Variants in DLGAP2 observed in about 807,000 individuals in gnomAD.
The protein encoded by DLGAP2 is disks large-associated protein 2.
DLGAP2 carries 26 observed loss-of-function variants against 100.3 expected under a neutral mutation model. That is an observed-to-expected ratio of 0.26 (90% CI 0.19 to 0.36). The LOEUF (loss-of-function observed/expected upper bound fraction) is 0.36. Ranked by LOEUF, DLGAP2 falls within the 10% of genes least tolerant of loss-of-function variation. DLGAP2 has a pLI of 1.00. For missense variants in DLGAP2, 1,858 were observed against 1,453.2 expected (o/e 1.28, Z -4.53); for synonymous variants, 886 against 630.1 (o/e 1.41, Z -6.08).
At chr8:825,847 C>G (rs1028697712) in intron 1 of DLGAP2, among the ~76,000 whole-genome samples, 1 of 152,168 alleles carries the variant, frequency 6.6e-6, no homozygotes, top group Non-Finnish European at 1.5e-5. Flanking sequence ...GTGTTATACA[C>G]AATCAATTAT....
chr8:1,620,499 C>G (rs1291470318), intron 6 of DLGAP2: 1 of 152,332 alleles, frequency 6.6e-6, no homozygotes, highest in Non-Finnish European at 1.5e-5. Flanking sequence ...CTTTCACAGA[C>G]TTCTTGGAAG....
intron 13 of DLGAP2, among the ~76,000 whole-genome samples, chr8:1,695,206 C>T (rs903726650): frequency 1.7e-4 from 25 of 146,210 alleles, no homozygotes; most frequent in African/African-American, 5.9e-4. Context: ...CAGCCGTGCC[C>T]GGCCCTACAG....
At chr8:771,802 T>G (rs10108040) in intron 1 of DLGAP2, among the ~76,000 whole-genome samples, 1 of 152,264 alleles carries the variant, frequency 6.6e-6, no homozygotes, top group African/African-American at 2.4e-5. Flanking sequence ...AAAATTGAAG[T>G]GGCACATATA....
At chr8:1,316,352 G>T (rs1463578900) in intron 3 of DLGAP2, among the ~76,000 whole-genome samples, 2 of 139,560 alleles carry the variant, frequency 1.4e-5, no homozygotes, top group Non-Finnish European at 3.1e-5. Context: ...TGCGAGTGCA[G>T]CGTCTCTCCA....
chr8:755,265 C>T (rs1474581406), intron 1 of DLGAP2, among the ~76,000 whole-genome samples: 2 of 152,078 alleles, frequency 1.3e-5, no homozygotes, highest in Non-Finnish European at 2.9e-5. Flanking sequence ...TTGAGACAAG[C>T]TTGGGCAACG....
intron 1 of DLGAP2, among the ~76,000 whole-genome samples, chr8:822,698 C>G (rs1796606409): frequency 6.6e-6 from 1 of 152,190 alleles, no homozygotes; most frequent in South Asian, 2.1e-4. Flanking sequence ...TTTCAAAGAG[C>G]TTTCCTGTGG....
At chr8:989,554 T>C (rs1800594358) in intron 2 of DLGAP2, among the ~76,000 whole-genome samples, 2 of 152,066 alleles carry the variant, frequency 1.3e-5, no homozygotes, top group African/African-American at 4.8e-5. Flanking sequence ...TCATGTGTGA[T>C]TGTGACCCAG....
intron 4 of DLGAP2, among the ~76,000 whole-genome samples, chr8:1,528,800 C>T (rs534358228): frequency 1.2e-4 from 19 of 152,312 alleles, no homozygotes; most frequent in African/African-American, 4.3e-4. Context: ...AATGTCCTGC[C>T]ATCTTAAGGA....
At chr8:1,258,721 C>T in intron 2 of DLGAP2, 130 bp from the exon 3 acceptor site, 1 of 710,950 alleles carries the variant, frequency 1.4e-6, no homozygotes, top group Non-Finnish European at 1.9e-6. Context: ...ATGGAAGGGT[C>T]CACTGGCTCT....
intron 1 of DLGAP2, among the ~76,000 whole-genome samples, chr8:879,709 G>C (rs1239933604): frequency 6.6e-6 from 1 of 152,148 alleles, no homozygotes; most frequent in African/African-American, 2.4e-5. Context: ...AAATTCCATT[G>C]TTGAATTTTT....
chr8:1,281,621 T>G (rs1799815123), intron 3 of DLGAP2, among the ~76,000 whole-genome samples: 1 of 152,174 alleles, frequency 6.6e-6, no homozygotes, highest in Non-Finnish European at 1.5e-5. Flanking sequence ...TGGGGAGCTG[T>G]TATTAATAAA....
intron 2 of DLGAP2, among the ~76,000 whole-genome samples, chr8:989,083 T>A (rs1800573945): frequency 6.6e-6 from 1 of 152,170 alleles, no homozygotes; most frequent in African/African-American, 2.4e-5. Context: ...ACAGATCCCG[T>A]CTAGTCAGCC....
rs544118973 is a variant in DLGAP2 at position 1,702,800 on chromosome 8, G to A, written c.*1394G>A. 6.6e-6 allele frequency: 1 copy of A among 152,554 alleles called. No individual in the cohort carries two copies. The highest frequency in any genetic ancestry group is 2.1e-4 in the South Asian group (1 of 4,828). The allele number at this position is 152,554 out of a possible 1,614,324, so 9.5% of individuals were successfully genotyped here. ...GGAAAAGCCTGTCCGATTTTTCCAT[G>A]GGTTCCAGTTTCAGAGTTCTCATTA... On this transcript the variant is annotated 3_prime_UTR_variant, in exon 15 of 15. Transcript: ENST00000637795.
intron 1 of DLGAP2, among the ~76,000 whole-genome samples, chr8:834,344 CAT>C (rs1324851652): frequency 6.6e-6 from 1 of 152,156 alleles, no homozygotes; most frequent in Non-Finnish European, 1.5e-5. Context: ...ATGAGCCAGA[CAT>C]AAAGACAAGC....
intron 1 of DLGAP2, among the ~76,000 whole-genome samples, chr8:765,297 A>G (rs1329011566): frequency 1.3e-5 from 2 of 152,240 alleles, no homozygotes; most frequent in East Asian, 3.8e-4. Context: ...TAATGTATCA[A>G]TGTTAAATAC....
intron 4 of DLGAP2, among the ~76,000 whole-genome samples, chr8:1,519,499 C>CT (rs1327199680): frequency 1.3e-5 from 2 of 152,182 alleles, no homozygotes; most frequent in African/African-American, 4.8e-5. Context: ...CAAGTCAATA[C>CT]TTTATTTCCT....
chr8:1,068,212 A>C (rs1364732868), intron 2 of DLGAP2, among the ~76,000 whole-genome samples: 1 of 152,174 alleles, frequency 6.6e-6, no homozygotes, highest in Non-Finnish European at 1.5e-5. Context: ...TATGAGGGGC[A>C]TCTCAGTTGC....
intron 6 of DLGAP2, among the ~76,000 whole-genome samples, chr8:1,568,920 C>A (rs1257582915): frequency 1.8e-5 from 2 of 109,530 alleles, no homozygotes; most frequent in African/African-American, 7.0e-5. Context: ...GCCCACTCAG[C>A]AGACACAAAT....
chr8:1,548,015 C>G (rs1258442140), intron 4 of DLGAP2, among the ~76,000 whole-genome samples: 1 of 152,206 alleles, frequency 6.6e-6, no homozygotes, highest in Non-Finnish European at 1.5e-5. Context: ...TGAAATACAA[C>G]TATGCTTTTC....
Sources: allele counts gnomAD v4.1 joint callset (sites outside exome capture counted in the v4.1 genomes callset), GRCh38; gene constraint gnomAD v4.1.1; transcripts MANE v1.5; gene names NCBI Gene and HGNC (gene_info 2026-07-23, HGNC 2026-07-21).